Variants in NKAIN2 observed in about 807,000 individuals in gnomAD.
NKAIN2 encodes the protein sodium/potassium transporting ATPase interacting 2.
Under a neutral mutation model 32.6 loss-of-function variants are expected in NKAIN2, and 14 were observed. The ratio of observed to expected loss-of-function variants is 0.43; its 90% CI spans 0.28 to 0.67. The LOEUF is 0.67. Ranked by LOEUF, NKAIN2 falls within the 30% of genes least tolerant of loss-of-function variation. NKAIN2 has a pLI of 0.17. For missense variants in NKAIN2, 198 were observed against 258.3 expected (o/e 0.77, Z 1.60); for synonymous variants, 80 against 87.2 (o/e 0.92, Z 0.46).
intron 3 of NKAIN2, among the ~76,000 whole-genome samples, chr6:124,465,913 TAAACATGTGA>T (rs1471234710): frequency 6.6e-6 from 1 of 152,154 alleles, no homozygotes; most frequent in Non-Finnish European, 1.5e-5. Flanking sequence ...AATGAAATTC[TAAACATGTGA>T]ATGTTTGCTA....
chr6:124,059,799 T>C (rs2114852676), intron 1 of NKAIN2, among the ~76,000 whole-genome samples: 1 of 152,180 alleles, frequency 6.6e-6, no homozygotes, highest in Non-Finnish European at 1.5e-5. Context: ...GTACAGAATG[T>C]GACATCTCTT....
At chr6:124,000,368 G>A (rs1368110095) in intron 1 of NKAIN2, among the ~76,000 whole-genome samples, 1 of 151,950 alleles carries the variant, frequency 6.6e-6, no homozygotes, top group Non-Finnish European at 1.5e-5. Flanking sequence ...TGGAATATTT[G>A]TCTTGTATTT....
rs182812803 is a variant in NKAIN2 at position 123,883,575 on chromosome 6, C to T, written c.54+79321C>T. ...TCACCTTCTGCCATGATTGTACGTT[C>T]CTGAGGCGTCCCCAGTCATGCTCCT... On this transcript the variant is annotated intron_variant, in intron 1 of 6. Transcript: ENST00000368417. Among the ~76,000 whole-genome samples the T allele has an allele frequency of 3.2e-3, 491 of 151,858 alleles. 12 individuals are homozygous for T. The highest frequency in any genetic ancestry group is 0.029 in the Admixed American group (444 of 15,230).
intron 3 of NKAIN2, among the ~76,000 whole-genome samples, chr6:124,634,607 A>C (rs1783701267): frequency 6.6e-6 from 1 of 152,156 alleles, no homozygotes; most frequent in South Asian, 2.1e-4. Context: ...TTAAGTAAAC[A>C]AATATTTGCA....
At position 124,030,981 on chromosome 6, in the gene NKAIN2, T is replaced by C. The variant is rs749502929; in HGVS notation, c.54+226727T>C. On this transcript the variant is annotated intron_variant, in intron 1 of 6. Coordinates refer to ENST00000368417, the MANE Select transcript of NKAIN2 (RefSeq NM_001040214.3). Reference sequence around the variant, plus strand: ...ATACAGAGATTTCAGAGGCCTGGCATGAGAAGCAGCAGCTTTTTAAAAGTC... The same window carrying C: ...ATACAGAGATTTCAGAGGCCTGGCACGAGAAGCAGCAGCTTTTTAAAAGTC... 3.3e-5 allele frequency among the ~76,000 whole-genome samples: 5 copies of C among 152,130 alleles called. No homozygotes were observed. The South Asian group carries it at 1.0e-3, about 32-fold the overall frequency.
chr6:124,465,263 A>G (rs186643933), intron 3 of NKAIN2, among the ~76,000 whole-genome samples: 77 of 152,264 alleles, frequency 5.1e-4, no homozygotes, highest in African/African-American at 1.7e-3. Context: ...CTGGATAAAG[A>G]CAATGTGGCA....
At chr6:123,867,700 T>C (rs1242416791) in intron 1 of NKAIN2, among the ~76,000 whole-genome samples, 1 of 152,194 alleles carries the variant, frequency 6.6e-6, no homozygotes, top group African/African-American at 2.4e-5. Context: ...TTTGACACCT[T>C]TGTTTCATCA....
At chr6:124,545,210 T>C (rs1002071864) in intron 3 of NKAIN2, among the ~76,000 whole-genome samples, 2 of 152,206 alleles carry the variant, frequency 1.3e-5, no homozygotes, top group Non-Finnish European at 2.9e-5. Flanking sequence ...AGCTTAATTT[T>C]AAGTCATTTG....
At chr6:124,058,204 GTTT>G (rs35264755) in intron 1 of NKAIN2, among the ~76,000 whole-genome samples, 4,287 of 132,174 alleles carry the variant, frequency 0.032, 174 homozygotes, top group African/African-American at 0.096. Flanking sequence ...TTTAAGTTTT[GTTT>G]TTTTTTTTTT....
intron 2 of NKAIN2, among the ~76,000 whole-genome samples, chr6:124,346,441 G>T (rs1016864358): frequency 6.6e-6 from 1 of 152,136 alleles, no homozygotes; most frequent in African/African-American, 2.4e-5. Context: ...GGGTGTTAAA[G>T]TCTCCCATTG....
intron 4 of NKAIN2, among the ~76,000 whole-genome samples, chr6:124,681,801 G>A (rs1398691499): frequency 1.3e-5 from 2 of 152,046 alleles, no homozygotes; most frequent in African/African-American, 4.8e-5. Flanking sequence ...CTATGTTTCT[G>A]ATAATTCTAT....
At chr6:124,105,040 A>G (rs989345907) in intron 1 of NKAIN2, among the ~76,000 whole-genome samples, 1 of 152,204 alleles carries the variant, frequency 6.6e-6, no homozygotes, top group Non-Finnish European at 1.5e-5. Context: ...GGTACTGTGA[A>G]AAAAGCAAGA....
chr6:124,447,629 A>T (rs1345586005), intron 3 of NKAIN2, among the ~76,000 whole-genome samples: 1 of 152,152 alleles, frequency 6.6e-6, no homozygotes, highest in Non-Finnish European at 1.5e-5. Flanking sequence ...TAGCAGAGAG[A>T]TGATACAAGA....
chr6:124,066,860 GTT>G (rs1229312511), intron 1 of NKAIN2, among the ~76,000 whole-genome samples: 1 of 53,582 alleles, frequency 1.9e-5, no homozygotes, highest in Non-Finnish European at 3.3e-5. Context: ...AATTTGCTGC[GTT>G]TGTGTGTGTG....
chr6:124,817,472 G>A (rs774791379), intron 5 of NKAIN2, among the ~76,000 whole-genome samples: 25 of 152,016 alleles, frequency 1.6e-4, no homozygotes, highest in Non-Finnish European at 2.8e-4. Context: ...CTCTCCATGC[G>A]GGCTAGCTTG....
At chr6:123,921,555 G>A (rs940886508) in intron 1 of NKAIN2, among the ~76,000 whole-genome samples, 5 of 152,240 alleles carry the variant, frequency 3.3e-5, no homozygotes, top group Admixed American at 3.3e-4. Context: ...TAGTCCTGAA[G>A]TTGTTTTAGC....
chr6:124,698,306 C>A (rs1448416037), intron 4 of NKAIN2, among the ~76,000 whole-genome samples: 4 of 152,002 alleles, frequency 2.6e-5, no homozygotes, highest in African/African-American at 9.7e-5. Context: ...ATAAAATTGA[C>A]CTTTTTAATT....
At position 124,300,102 on chromosome 6, in the gene NKAIN2, A is replaced by G. The variant is rs573686389; in HGVS notation, c.192+16960A>G. 1.4e-4 allele frequency among the ~76,000 whole-genome samples: 22 copies of G among 152,274 alleles called. 1 individual carries two copies. In the South Asian group the frequency reaches 4.6e-3, roughly 32 times the overall value. On this transcript the variant is annotated intron_variant, in intron 2 of 6. Coordinates refer to ENST00000368417, the MANE Select transcript of NKAIN2 (RefSeq NM_001040214.3). ...TATTTAAAATTCTTTCCAACCCCCA[A>G]TTCCTCTTTACATGGTTGATCTGTG...
Position 123,846,844 on chromosome 6 carries a change from G to A in NKAIN2, c.54+42590G>A, listed in dbSNP as rs72968705. On this transcript the variant is annotated intron_variant, in intron 1 of 6. Transcript: ENST00000368417. ...GCCACCGCCACACACACGCACGCGC[G>A]CACACACACACACACACATAACACA... is the stretch of plus-strand genomic sequence containing the variant. Among the ~76,000 whole-genome samples the A allele has an allele frequency of 3.1e-4, 47 of 150,728 alleles. No individual in the cohort carries two copies. In the South Asian group the frequency reaches 5.5e-3, roughly 18 times the overall value.
Sources: gnomAD v4.1 joint callset for allele counts (sites outside exome capture counted in the v4.1 genomes callset) on GRCh38, gnomAD v4.1.1 for gene constraint, MANE v1.5 for transcripts, NCBI Gene and HGNC (gene_info 2026-07-23, HGNC 2026-07-21) for gene names.